Variants in PLXNA4 observed in about 807,000 individuals in gnomAD.
PLXNA4 encodes plexin-A4.
PLXNA4 carries 44 observed loss-of-function variants against 191.8 expected under a neutral mutation model. The ratio of observed to expected loss-of-function variants is 0.23; its 90% confidence interval spans 0.18 to 0.29. The LOEUF (loss-of-function observed/expected upper bound fraction) is 0.29. Ranked by LOEUF, PLXNA4 falls within the 10% of genes least tolerant of loss-of-function variation. The pLI, the probability that PLXNA4 is intolerant of heterozygous loss-of-function variation, is 1.00. For missense variants in PLXNA4, 1,800 were observed against 2,488.8 expected, an observed-to-expected ratio of 0.72 and a Z score of 5.89; for synonymous variants, 1,082 against 1,009.5, an observed-to-expected ratio of 1.07 and a Z score of -1.36.
intron 1 of PLXNA4, among the ~76,000 whole-genome samples, chr7:132,564,341 C>G (rs567055277): frequency 2.7e-5 from 4 of 147,742 alleles, no homozygotes; most frequent in African/African-American, 1.0e-4. Context: ...TCTGCTGCTC[C>G]TCCTCCTTCT....
At chr7:132,147,132 AC>A (rs1466359544) in intron 27 of PLXNA4, among the ~76,000 whole-genome samples, 2 of 152,192 alleles carry the variant, frequency 1.3e-5, no homozygotes, top group Non-Finnish European at 2.9e-5. Context: ...TCACTGGGTA[AC>A]CTGCTCACCT....
At chr7:132,638,995 T>A (rs1165454166) in intron 2 of PLXNA4, among the ~76,000 whole-genome samples, 1 of 152,154 alleles carries the variant, frequency 6.6e-6, no homozygotes, top group Non-Finnish European at 1.5e-5. Context: ...GTCCAGCACT[T>A]CCCAGTTCCA....
At chr7:132,535,575 T>C (rs1273370616) in intron 1 of PLXNA4, among the ~76,000 whole-genome samples, 1 of 152,126 alleles carries the variant, frequency 6.6e-6, no homozygotes, top group Non-Finnish European at 1.5e-5. Context: ...CCCTGATTCA[T>C]CTCATTTACC....
intron 8 of PLXNA4, 144 bp from the exon 9 acceptor site, chr7:132,223,785 A>G: frequency 1.6e-6 from 1 of 642,606 alleles, no homozygotes; most frequent in African/African-American, 1.8e-5. Context: ...TCTTATGCAC[A>G]TCTATCCCTT....
chr7:132,555,024 T>C (rs920143308), intron 1 of PLXNA4, among the ~76,000 whole-genome samples: 3 of 107,520 alleles, frequency 2.8e-5, no homozygotes, highest in African/African-American at 1.1e-4. Flanking sequence ...AAATTCAGAG[T>C]CTTGGGTGGT....
intron 4 of PLXNA4, among the ~76,000 whole-genome samples, chr7:132,294,017 A>C (rs951365674): frequency 5.9e-5 from 9 of 152,238 alleles, no homozygotes; most frequent in African/African-American, 1.9e-4. Flanking sequence ...AGACTAAAAA[A>C]CAAAAAATCA....
chr7:132,505,476 C>T (rs1409551572), intron 2 of PLXNA4, among the ~76,000 whole-genome samples: 1 of 151,896 alleles, frequency 6.6e-6, no homozygotes, highest in Non-Finnish European at 1.5e-5. Flanking sequence ...CTCAAAAGAA[C>T]TTGTTGTTGT....
At chr7:132,303,143 G>A (rs1031724461) in intron 3 of PLXNA4, among the ~76,000 whole-genome samples, 4 of 151,958 alleles carry the variant, frequency 2.6e-5, no homozygotes, top group Non-Finnish European at 5.9e-5. Flanking sequence ...AAAGTGCTGG[G>A]ATTACAGGCG....
At position 132,146,490 on chromosome 7, in the gene PLXNA4, C is replaced by T; in HGVS notation, c.5055+20G>A. 6.2e-7 allele frequency: 1 copy of T among 1,614,106 alleles called. No individual in the cohort carries two copies. On this transcript the variant is annotated intron_variant, in intron 28 of 31. Coordinates refer to ENST00000321063, the MANE Select transcript of PLXNA4 (RefSeq NM_020911.2). ...TCCATAGCCTCTGGGCTCCCTGCACCCAGTTCTCAAGTCTGATACCTTAGT... is the reference window on the plus strand; with the variant it reads ...TCCATAGCCTCTGGGCTCCCTGCACTCAGTTCTCAAGTCTGATACCTTAGT...
intron 3 of PLXNA4, among the ~76,000 whole-genome samples, chr7:132,349,011 C>T (rs923057477): frequency 6.6e-6 from 1 of 152,144 alleles, no homozygotes; most frequent in African/African-American, 2.4e-5. Context: ...CTTTATACGC[C>T]TCCCCACCAT....
chr7:132,610,118 C>T (rs1234807866), intron 2 of PLXNA4, among the ~76,000 whole-genome samples: 1 of 152,194 alleles, frequency 6.6e-6, no homozygotes, highest in African/African-American at 2.4e-5. Flanking sequence ...AAGAGCTTCA[C>T]ATAGCAGGGC....
At chr7:132,162,821 G>C (rs1195413780) in intron 24 of PLXNA4, among the ~76,000 whole-genome samples, 1 of 152,116 alleles carries the variant, frequency 6.6e-6, no homozygotes, top group Non-Finnish European at 1.5e-5. Context: ...GAAAATGAGA[G>C]TGGGATAGGT....
At chr7:132,382,098 T>C (rs1363858173) in intron 3 of PLXNA4, among the ~76,000 whole-genome samples, 1 of 152,210 alleles carries the variant, frequency 6.6e-6, no homozygotes, top group Non-Finnish European at 1.5e-5. Context: ...GGGACTTTTC[T>C]GGGCTGAGTA....
intron 3 of PLXNA4, chr7:132,384,639 G>T: frequency 1.0e-6 from 1 of 991,522 alleles, no homozygotes; most frequent in Non-Finnish European, 1.2e-6. Context: ...TCCCGCAGAG[G>T]CTGGGATGGT....
chr7:132,257,105 C>G (rs11770980), intron 4 of PLXNA4, among the ~76,000 whole-genome samples: 17,915 of 152,220 alleles, frequency 0.12, 1,170 homozygotes, highest in Middle Eastern at 0.18. Context: ...GTCCCTAACA[C>G]AAGGTGTCTG....
At chr7:132,635,985 G>T (rs1449502301) in intron 2 of PLXNA4, among the ~76,000 whole-genome samples, 3 of 152,210 alleles carry the variant, frequency 2.0e-5, no homozygotes, top group Non-Finnish European at 2.9e-5. Flanking sequence ...CGGTTCCAGG[G>T]ATCTGTTAGG....
chr7:132,176,382 G>A (rs949277727), intron 20 of PLXNA4, among the ~76,000 whole-genome samples: 1 of 152,236 alleles, frequency 6.6e-6, no homozygotes, highest in Non-Finnish European at 1.5e-5. Context: ...GGCATGTACT[G>A]TCACCAAAAG....
At chr7:132,381,938 GATTCCCACCAGAACTGTTAGTC>G (rs1198701374) in intron 3 of PLXNA4, among the ~76,000 whole-genome samples, 2 of 152,146 alleles carry the variant, frequency 1.3e-5, no homozygotes, top group Non-Finnish European at 2.9e-5. Flanking sequence ...TGTGAGAGAC[GATTCCCACCAGAACTGTTAGTC>G]ATTCCAGTTT....
intron 2 of PLXNA4, among the ~76,000 whole-genome samples, chr7:132,615,881 C>G (rs981642666): frequency 4.0e-5 from 6 of 150,534 alleles, no homozygotes; most frequent in Non-Finnish European, 8.9e-5. Context: ...TCTCCCCTCT[C>G]CCTTCTCCCC....
Sources: allele counts gnomAD v4.1 joint callset (sites outside exome capture counted in the v4.1 genomes callset), GRCh38; gene constraint gnomAD v4.1.1; transcripts MANE v1.5; gene names NCBI Gene and HGNC (gene_info 2026-07-23, HGNC 2026-07-21).